SEMA3D: variants seen among roughly 807,000 people sequenced by gnomAD.
SEMA3D encodes the protein semaphorin-3D.
In SEMA3D, 84 loss-of-function variants were observed where a neutral mutation model predicts 100.1. That is an observed-to-expected ratio of 0.84 (90% CI 0.70 to 1.01). The LOEUF (loss-of-function observed/expected upper bound fraction) is 1.01. SEMA3D is among the 50% of genes least tolerant of loss of function. The pLI is 0.00. For missense variants in SEMA3D, 875 were observed against 934.1 expected (o/e 0.94, Z 0.82); for synonymous variants, 312 against 320.7 (o/e 0.97, Z 0.29).
At chr7:85,204,647 T>C in the SEMA3D span, among the ~76,000 whole-genome samples, 2 of 152,104 alleles carry the variant, frequency 1.3e-5, no homozygotes, top group African/African-American at 4.8e-5. Context: ...AGAGTCTTCT[T>C]GCACAGTGGT....
chr7:85,140,011 T>G (rs1453616843), intron 2 of SEMA3D: 2 of 477,168 alleles, frequency 4.2e-6, no homozygotes, highest in Non-Finnish European at 5.5e-6. Flanking sequence ...TCAAAACAAG[T>G]TAAATTAGAT....
At chr7:85,117,170 G>A (rs1434237981) in intron 3 of SEMA3D, among the ~76,000 whole-genome samples, 1 of 152,118 alleles carries the variant, frequency 6.6e-6, no homozygotes, top group East Asian at 1.9e-4. Context: ...GAGGCCCTGA[G>A]CAAGCCCAAA....
At position 85,184,842 on chromosome 7, in the gene SEMA3D, C is replaced by A. The variant is rs573489982; in HGVS notation, c.-173+1836G>T. 4.6e-5 allele frequency among the ~76,000 whole-genome samples: 7 copies of A among 152,334 alleles called. No individual in the cohort carries two copies. In the East Asian group the frequency reaches 7.8e-4, roughly 17 times the overall value. On this transcript the variant is annotated intron_variant, in intron 1 of 18. Coordinates refer to ENST00000284136, the MANE Select transcript of SEMA3D (RefSeq NM_001384900.1). ...CACTTTGCGCCTGTCAGCGATGGCA[C>A]CCCTGACCCGTCTTATCCGCTGGGG...
At chr7:85,061,988 A>G (rs1480869689) in intron 8 of SEMA3D, among the ~76,000 whole-genome samples, 2 of 152,170 alleles carry the variant, frequency 1.3e-5, no homozygotes, top group East Asian at 1.9e-4. Flanking sequence ...CTGTTGCCCT[A>G]CATGGCATGT....
chr7:85,025,898 T>C (rs1229455061), intron 12 of SEMA3D, among the ~76,000 whole-genome samples: 1 of 152,032 alleles, frequency 6.6e-6, no homozygotes, highest in Non-Finnish European at 1.5e-5. Context: ...TCTTTAAGGT[T>C]CCCTTTCTCT....
intron 18 of SEMA3D, among the ~76,000 whole-genome samples, chr7:85,000,108 C>A (rs1348165754): frequency 6.6e-6 from 1 of 152,068 alleles, no homozygotes; most frequent in Non-Finnish European, 1.5e-5. Context: ...TCTAACTGAA[C>A]CTTTGGAATG....
rs1391042064 is a variant in SEMA3D, at chr7:84,997,774, G to A, written c.*1666C>T. 6.6e-6 allele frequency: 1 copy of A among 152,436 alleles called. No individual in the cohort carries two copies. The highest frequency in any genetic ancestry group is 2.4e-5 in the African/African-American group (1 of 41,424). The allele number at this position is 152,436 out of a possible 1,614,324, so 9.4% of individuals were successfully genotyped here. The stretch of plus-strand genomic sequence containing the variant: ...AGCAATGTCTGTTATTTTCTGAAAA[G>A]CTGCCTTCCATGTGAGGAAGTGACT... On this transcript the variant is annotated 3_prime_UTR_variant, in exon 19 of 19. Transcript: ENST00000284136.
At chr7:85,191,119 T>C (rs1584003082), upstream of SEMA3D, among the ~76,000 whole-genome samples, 1 of 152,258 alleles carries the variant, frequency 6.6e-6, no homozygotes, top group African/African-American at 2.4e-5. Context: ...AGCAGGAATG[T>C]GCTTCAAAAT....
the SEMA3D span, among the ~76,000 whole-genome samples, chr7:85,249,502 T>C: frequency 6.6e-6 from 1 of 152,190 alleles, no homozygotes; most frequent in African/African-American, 2.4e-5. Flanking sequence ...CAGTCTACCA[T>C]ATTGACATAC....
At chr7:85,039,704 C>T (rs539544075) in intron 11 of SEMA3D, among the ~76,000 whole-genome samples, 1 of 152,096 alleles carries the variant, frequency 6.6e-6, no homozygotes, top group Admixed American at 6.6e-5. Flanking sequence ...ATAGTCCGCT[C>T]CTCTTTGAGC....
chr7:85,159,819 C>T lies in SEMA3D; in HGVS notation c.-172-6080G>A, dbSNP rs184112358. The T allele has an allele frequency of 3.8e-5, 37 of 984,462 alleles. No homozygotes were observed. In the African/African-American group the frequency reaches 5.8e-4, roughly 15 times the overall value. 61.0% of individuals were successfully genotyped at this position (984,462 alleles called of 1,614,324 possible). ...AGGCTATCTAATACCAGTGCATACT[C>T]TTTCCTTCACACTGTCCTGCAGATA... is the stretch of plus-strand genomic sequence containing the variant. On this transcript the variant is annotated intron_variant, in intron 1 of 18. Coordinates refer to ENST00000284136, the MANE Select transcript of SEMA3D (RefSeq NM_001384900.1).
rs2115839415 is a variant in SEMA3D, at chr7:85,020,227, T to C, written c.1503+6A>G. On this transcript the variant is annotated splice_donor_region_variant and intron_variant, in intron 14 of 18. Transcript: ENST00000284136. ...TTTTCTCCTGGCACTCTGGACTGAG[T>C]CTTACCTTGAATATCTGCAACTCCT... 6.3e-7 allele frequency: 1 copy of C among 1,595,446 alleles called. No homozygotes were observed. The highest frequency in any genetic ancestry group is 2.2e-5 in the East Asian group (1 of 44,584).
At chr7:85,181,300 A>G (rs1353534833) in intron 1 of SEMA3D, among the ~76,000 whole-genome samples, 1 of 147,980 alleles carries the variant, frequency 6.8e-6, no homozygotes, top group Non-Finnish European at 1.5e-5. Flanking sequence ...GAAATGACAA[A>G]GAATAAAGAC....
intron 12 of SEMA3D, chr7:85,029,667 C>A: frequency 2.5e-6 from 1 of 401,208 alleles, no homozygotes; most frequent in Non-Finnish European, 4.8e-6. Context: ...TGGTGCTTTT[C>A]AGGGCCCACC....
chr7:85,119,823 T>C (rs1789356598), intron 3 of SEMA3D, among the ~76,000 whole-genome samples: 1 of 152,138 alleles, frequency 6.6e-6, no homozygotes, highest in Non-Finnish European at 1.5e-5. Context: ...TTTGGTAAAC[T>C]TTTAAAATTC....
the SEMA3D span, among the ~76,000 whole-genome samples, chr7:85,192,089 T>C: frequency 6.6e-6 from 1 of 152,248 alleles, no homozygotes; most frequent in African/African-American, 2.4e-5. Flanking sequence ...TATCTCCTTT[T>C]GCCCTACTTT....
At position 85,117,808 on chromosome 7, in the gene SEMA3D, G is replaced by GTATC. The variant is rs1333801653; in HGVS notation, c.151+3929_151+3932dup. Among the ~76,000 whole-genome samples, 546 of 120,676 alleles carry GTATC rather than the reference G, an allele frequency of 4.5e-3. 3 individuals are homozygous for GTATC. The highest frequency in any genetic ancestry group is 0.018 in the African/African-American group (493 of 28,166). 79.2% of individuals were successfully genotyped at this position (120,676 alleles called of 152,430 possible). ...TGTATGTATGTATGTATGTATGTAT[G>GTATC]TATCTATCTACCATATATATAGATA... On this transcript the variant is annotated intron_variant, in intron 3 of 18. Coordinates refer to ENST00000284136, the MANE Select transcript of SEMA3D (RefSeq NM_001384900.1).
chr7:85,119,231 G>T (rs1438177821), intron 3 of SEMA3D, among the ~76,000 whole-genome samples: 2 of 152,146 alleles, frequency 1.3e-5, no homozygotes, highest in Non-Finnish European at 2.9e-5. Context: ...TCTAAAGACA[G>T]AAATACCATT....
the SEMA3D span, among the ~76,000 whole-genome samples, chr7:85,199,645 C>A: frequency 1.3e-5 from 2 of 152,184 alleles, no homozygotes; most frequent in Non-Finnish European, 2.9e-5. Flanking sequence ...TTGTCCCATG[C>A]ATTCAGCATA....
Sources: gnomAD v4.1 joint callset for allele counts (sites outside exome capture counted in the v4.1 genomes callset) on GRCh38, gnomAD v4.1.1 for gene constraint, MANE v1.5 for transcripts, NCBI Gene and HGNC (gene_info 2026-07-23, HGNC 2026-07-21) for gene names.